Variants in ESRRB observed in about 807,000 individuals in gnomAD.
ESRRB encodes the protein estrogen related receptor beta.
ESRRB carries 16 observed loss-of-function variants against 46.0 expected under a neutral mutation model. That is an observed-to-expected ratio of 0.35 (90% CI 0.24 to 0.53). The LOEUF is 0.53. Among genes scored for constraint, ESRRB ranks in the 20% least tolerant of loss-of-function variants. The probability of loss-of-function intolerance (pLI) is 0.93; values close to 1 mark genes in which losing one functional copy is unlikely to be tolerated. For synonymous variants in ESRRB, 246 were observed against 259.6 expected, an observed-to-expected ratio of 0.95 and a Z score of 0.50; for missense variants, 488 against 607.4, an observed-to-expected ratio of 0.80 and a Z score of 2.07.
At chr14:76,472,739 A>G (rs1296593414) in intron 3 of ESRRB, among the ~76,000 whole-genome samples, 2 of 152,242 alleles carry the variant, frequency 1.3e-5, no homozygotes, top group Non-Finnish European at 2.9e-5. Context: ...TCAGGGGCTC[A>G]TGATACCCAC....
chr14:76,332,953 TTTAC>T (rs1159027033), intron 1 of ESRRB, among the ~76,000 whole-genome samples: 3 of 42,022 alleles, frequency 7.1e-5, no homozygotes, highest in South Asian at 9.0e-4. Flanking sequence ...ATATTATATA[TTTAC>T]ATTATATATA....
chr14:76,498,655 A>AT lies in ESRRB; in HGVS notation c.*197_*198insT. On this transcript the variant is annotated 3_prime_UTR_variant, in exon 7 of 7. Coordinates refer to ENST00000644823, the MANE Select transcript of ESRRB (RefSeq NM_001379180.1). ...GGGTGGGGGACGGGGATGGGGGGGC[A>AT]GGGGTGTGGGGCTCGACTGTAACTG... 2.6e-5 allele frequency: 10 copies of AT among 384,976 alleles called. No individual in the cohort carries two copies. The highest frequency in any genetic ancestry group is 8.1e-5 in the East Asian group (1 of 12,318). The allele number at this position is 384,976 out of a possible 1,614,324, so 23.8% of individuals were successfully genotyped here.
At chr14:76,428,262 C>G (rs1211503642) in intron 1 of ESRRB, among the ~76,000 whole-genome samples, 1 of 151,996 alleles carries the variant, frequency 6.6e-6, no homozygotes, top group African/African-American at 2.4e-5. Context: ...CCTCCCAAAG[C>G]GCTGGGATTA....
chr14:76,360,505 A>G lies in ESRRB; in HGVS notation c.2+49589A>G, dbSNP rs114923438. Among the ~76,000 whole-genome samples, 1,102 of 152,306 alleles carry G rather than the reference A, an allele frequency of 7.2e-3. 16 individuals carry two copies. The highest frequency in any genetic ancestry group is 0.025 in the African/African-American group (1,038 of 41,554). On this transcript the variant is annotated intron_variant, in intron 1 of 6. Coordinates refer to the ESRRB transcript ENST00000512784. ...GAACCCATGAAATCAAGTAGGCAAG[A>G]GAGAGCACTGGGCAAGTATGCAAAC...
intron 2 of ESRRB, among the ~76,000 whole-genome samples, chr14:76,459,913 G>A (rs1327239661): frequency 6.6e-6 from 1 of 152,084 alleles, no homozygotes; most frequent in African/African-American, 2.4e-5. Flanking sequence ...GGGAGAGGGG[G>A]AGAGAGGGAG....
intron 2 of ESRRB, 64 bp downstream of exon 2, chr14:76,439,814 T>G: frequency 6.4e-7 from 1 of 1,563,386 alleles, no homozygotes; most frequent in Non-Finnish European, 8.7e-7. Context: ...CCTGCGGGTC[T>G]GGCAGAAGCC....
chr14:76,378,040 G>A (rs1303237126), intron 1 of ESRRB, among the ~76,000 whole-genome samples: 1 of 152,182 alleles, frequency 6.6e-6, no homozygotes, highest in African/African-American at 2.4e-5. Context: ...TGGGGTGGGA[G>A]CACCTGAGGT....
At chr14:76,442,097 T>C (rs1887945167) in intron 2 of ESRRB, among the ~76,000 whole-genome samples, 1 of 152,272 alleles carries the variant, frequency 6.6e-6, no homozygotes, top group African/African-American at 2.4e-5. Context: ...TCAGGGCTCC[T>C]GGTCAGAGAG....
chr14:76,380,387 G>T (rs1014720015), intron 1 of ESRRB, among the ~76,000 whole-genome samples: 2 of 152,130 alleles, frequency 1.3e-5, no homozygotes, highest in African/African-American at 4.8e-5. Flanking sequence ...GGATGCTTTT[G>T]GCCTGACTCT....
At position 76,482,352 on chromosome 14, in the gene ESRRB, A is replaced by G. The variant is rs1041464167; in HGVS notation, c.688+226A>G. ...AACATGCTCCCCTTGCCACCCACCC[A>G]AAGTTGCTCTGCAGGTTCCTCCTGG... On this transcript the variant is annotated intron_variant, in intron 4 of 6. Coordinates refer to ENST00000644823, the MANE Select transcript of ESRRB (RefSeq NM_001379180.1). This position sits in a 1 kb window ranked among gnomAD's most constrained non-coding sequence, Gnocchi z 4.3. Among the ~76,000 whole-genome samples the G allele has an allele frequency of 6.6e-6, 1 of 152,132 alleles. No individual in the cohort carries two copies. Among genetic ancestry groups the G allele is most frequent in the African/African-American group, 2.4e-5 (1 of 41,418 alleles).
At chr14:76,465,891 G>A (rs1331354192) in intron 3 of ESRRB, among the ~76,000 whole-genome samples, 2 of 152,226 alleles carry the variant, frequency 1.3e-5, no homozygotes, top group South Asian at 2.1e-4. Flanking sequence ...TCCCCTGCAG[G>A]GCCTTGGAGA....
chr14:76,328,538 A>G (rs1196832041), intron 1 of ESRRB, among the ~76,000 whole-genome samples: 3 of 74,388 alleles, frequency 4.0e-5, no homozygotes, highest in African/African-American at 1.6e-4. Flanking sequence ...TTCTTGCCCC[A>G]CCCCCGCCCC....
chr14:76,357,075 G>A (rs897358646), intron 1 of ESRRB, among the ~76,000 whole-genome samples: 6 of 152,060 alleles, frequency 3.9e-5, no homozygotes, highest in Non-Finnish European at 8.8e-5. Context: ...AGCTAATGGA[G>A]GATAATCTAC....
At chr14:76,352,086 AT>A (rs1277366497) in intron 1 of ESRRB, among the ~76,000 whole-genome samples, 1 of 151,298 alleles carries the variant, frequency 6.6e-6, no homozygotes, top group Non-Finnish European at 1.5e-5. Flanking sequence ...CACAGAGTAG[AT>A]TTGTTGAATG....
chr14:76,393,832 G>A (rs1267943577), intron 1 of ESRRB, among the ~76,000 whole-genome samples: 1 of 152,122 alleles, frequency 6.6e-6, no homozygotes, highest in East Asian at 1.9e-4. Context: ...ACAGAGTCTC[G>A]TTCTGTCACC....
At chr14:76,445,847 G>A (rs960901195) in intron 2 of ESRRB, among the ~76,000 whole-genome samples, 19 of 152,096 alleles carry the variant, frequency 1.2e-4, no homozygotes, top group South Asian at 8.3e-4. Flanking sequence ...CACCACACCC[G>A]GCTAATTTTT....
At chr14:76,433,183 A>G (rs1197874440) in intron 1 of ESRRB, among the ~76,000 whole-genome samples, 1 of 152,188 alleles carries the variant, frequency 6.6e-6, no homozygotes, top group Non-Finnish European at 1.5e-5. Context: ...GATCAGGTCT[A>G]GGAAGCCACC....
intron 2 of ESRRB, among the ~76,000 whole-genome samples, chr14:76,454,817 A>G (rs1472917343): frequency 1.3e-5 from 2 of 152,194 alleles, no homozygotes; most frequent in African/African-American, 4.8e-5. Flanking sequence ...ATTTATTTCT[A>G]ATTCTTTTCA....
intron 2 of ESRRB, among the ~76,000 whole-genome samples, chr14:76,459,209 G>A (rs1395411917): frequency 6.6e-6 from 1 of 152,058 alleles, no homozygotes; most frequent in East Asian, 1.9e-4. Context: ...GAAATCCTTG[G>A]GATCTGTAAA....
Sources: allele counts gnomAD v4.1 joint callset (sites outside exome capture counted in the v4.1 genomes callset), GRCh38; gene constraint gnomAD v4.1.1; non-coding constraint Gnocchi (gnomAD v3.1); transcripts MANE v1.5; gene names NCBI Gene and HGNC (gene_info 2026-07-23, HGNC 2026-07-21).